The following PHIP variants were observed in gnomAD, a reference collection of about 807,000 sequenced individuals.
PHIP encodes the protein PHIP subunit of CUL4-Ring ligase complex.
In PHIP, 54 loss-of-function variants were observed where a neutral mutation model predicts 236.8. That is an observed-to-expected ratio of 0.23 (90% CI 0.18 to 0.29). The LOEUF (loss-of-function observed/expected upper bound fraction) is 0.29. Among genes scored for constraint, PHIP ranks in the 10% least tolerant of loss-of-function variants. The pLI, the probability that PHIP is intolerant of heterozygous loss-of-function variation, is 1.00. For synonymous variants in PHIP, 756 were observed against 718.9 expected, an observed-to-expected ratio of 1.05 and a Z score of -0.83; for missense variants, 1,370 against 2,190.8, an observed-to-expected ratio of 0.63 and a Z score of 7.48.
chr6:78,964,066 A>C (rs951105085), intron 29 of PHIP, among the ~76,000 whole-genome samples: 2 of 152,224 alleles, frequency 1.3e-5, no homozygotes, highest in African/African-American at 4.8e-5. Flanking sequence ...AACTGGCTGC[A>C]TTGCTATCAT....
At position 78,936,314 on chromosome 6, in the gene PHIP, G is replaced by A. The variant is rs1773270000; in HGVS notation, c.*4379C>T. ...AAAAATTGAGCTACATTCTACACAT[G>A]TCTAAATATCCTGTGACAGGATTTA... is the stretch of plus-strand genomic sequence containing the variant. On this transcript the variant is annotated 3_prime_UTR_variant, in exon 40 of 40. Coordinates refer to ENST00000275034, the MANE Select transcript of PHIP (RefSeq NM_017934.7). 6.6e-6 allele frequency: 1 copy of A among 151,698 alleles called. No homozygotes were observed. Among genetic ancestry groups the A allele is most frequent in the Admixed American group, 6.6e-5 (1 of 15,188 alleles). The allele number at this position is 151,698 out of a possible 1,614,324, so 9.4% of individuals were successfully genotyped here.
chr6:79,039,915 T>C (rs1772126446), intron 7 of PHIP, among the ~76,000 whole-genome samples: 2 of 152,160 alleles, frequency 1.3e-5, no homozygotes, highest in Admixed American at 1.3e-4. Context: ...TTAAAATAAT[T>C]GGGAAAGCAC....
intron 23 of PHIP, among the ~76,000 whole-genome samples, chr6:78,979,102 C>T (rs1172583164): frequency 6.6e-6 from 1 of 152,174 alleles, no homozygotes; most frequent in Non-Finnish European, 1.5e-5. Context: ...TTATAAGAGA[C>T]TTGAACATCC....
At chr6:78,956,017 G>GT (rs1406143329) in intron 32 of PHIP, 1 of 164,380 alleles carries the variant, frequency 6.1e-6, no homozygotes, top group Admixed American at 6.4e-5. Flanking sequence ...ATTTTTAAAT[G>GT]TATTTCCTAA....
chr6:78,949,108 T>C (rs887853094), intron 35 of PHIP, among the ~76,000 whole-genome samples: 10 of 152,180 alleles, frequency 6.6e-5, no homozygotes, highest in Non-Finnish European at 1.5e-4. Context: ...GTAAACATGA[T>C]ATTAGCTGTA....
At chr6:78,983,329 T>C (rs1483515611) in intron 22 of PHIP, among the ~76,000 whole-genome samples, 1 of 152,092 alleles carries the variant, frequency 6.6e-6, no homozygotes, top group Non-Finnish European at 1.5e-5. Flanking sequence ...CCCCAAAACC[T>C]GAAGATACAT....
chr6:79,065,725 A>G (rs1293818011), intron 4 of PHIP, among the ~76,000 whole-genome samples: 1 of 151,754 alleles, frequency 6.6e-6, no homozygotes, highest in African/African-American at 2.4e-5. Flanking sequence ...ATTAACTACA[A>G]AAGAGCAGGG....
At chr6:78,964,826 G>A (rs942657697) in intron 29 of PHIP, among the ~76,000 whole-genome samples, 1 of 152,086 alleles carries the variant, frequency 6.6e-6, no homozygotes, top group African/African-American at 2.4e-5. Flanking sequence ...AAACAATATA[G>A]AATAACGTAA....
chr6:79,017,117 TGA>T (rs1770869520), intron 12 of PHIP, among the ~76,000 whole-genome samples: 1 of 151,960 alleles, frequency 6.6e-6, no homozygotes, highest in Admixed American at 6.6e-5. Flanking sequence ...ATATATAGGG[TGA>T]TTTAAAAAGC....
At chr6:79,045,591 G>GT in intron 6 of PHIP, among the ~76,000 whole-genome samples, 1 of 152,134 alleles carries the variant, frequency 6.6e-6, no homozygotes, top group East Asian at 1.9e-4. Context: ...TTAATTTATA[G>GT]TTTTATGGCA....
intron 6 of PHIP, among the ~76,000 whole-genome samples, chr6:79,053,642 G>A (rs1337877561): frequency 6.6e-6 from 1 of 152,064 alleles, no homozygotes; most frequent in Non-Finnish European, 1.5e-5. Context: ...AGAAAACACT[G>A]AATACGTAAC....
chr6:79,050,258 T>A (rs1343631273), intron 6 of PHIP, among the ~76,000 whole-genome samples: 5 of 152,156 alleles, frequency 3.3e-5, no homozygotes, highest in Non-Finnish European at 1.5e-5. Context: ...TAACAGCTAG[T>A]ATTTACTGAG....
intron 22 of PHIP, among the ~76,000 whole-genome samples, chr6:78,984,095 G>T (rs1319063841): frequency 6.6e-6 from 1 of 151,968 alleles, no homozygotes; most frequent in East Asian, 1.9e-4. Flanking sequence ...CACTGAAAAA[G>T]CAGATTTTTC....
chr6:78,952,319 C>T (rs1303184528), intron 35 of PHIP, among the ~76,000 whole-genome samples: 2 of 149,940 alleles, frequency 1.3e-5, no homozygotes, highest in African/African-American at 4.9e-5. Context: ...CTCGTGAGGC[C>T]GAGGCAGGAG....
rs1329866394 is a variant in PHIP at position 79,015,737 on chromosome 6, T to C, written c.1282A>G (p.Thr428Ala). The change falls in exon 14 of 40, where the codon ACT (threonine) becomes GCT (alanine). Residue 428 changes from threonine to alanine, a missense_variant. Coordinates refer to ENST00000275034, the MANE Select transcript of PHIP (RefSeq NM_017934.7). ...IEDKITKMKV[T>A]MVAWDRHDNT... ...TCATGTCGATCCCAAGCTACCATAG[T>C]AACCTTCATTTTTGTGATTTTATCT... is the stretch of plus-strand genomic sequence containing the variant. 6.2e-7 allele frequency: 1 copy of C among 1,611,350 alleles called. No homozygotes were observed. Among genetic ancestry groups the C allele is most frequent in the Non-Finnish European group, 8.5e-7 (1 of 1,178,090 alleles).
chr6:79,028,193 A>C (rs1343481779), intron 7 of PHIP, among the ~76,000 whole-genome samples: 1 of 152,148 alleles, frequency 6.6e-6, no homozygotes, highest in African/African-American at 2.4e-5. Flanking sequence ...AAAAGTAAAA[A>C]AAATTTGTGA....
At chr6:79,027,848 T>A (rs981204262) in intron 7 of PHIP, among the ~76,000 whole-genome samples, 15 of 152,112 alleles carry the variant, frequency 9.9e-5, no homozygotes, top group Non-Finnish European at 1.9e-4. Context: ...CAGGGTCAAA[T>A]GCATGACTTT....
At position 79,041,747 on chromosome 6, in the gene PHIP, T is replaced by C. The variant is rs935457532; in HGVS notation, c.600+1096A>G. On this transcript the variant is annotated intron_variant, in intron 7 of 39. Transcript: ENST00000275034. ...CTATTTTCCACTCTGAAAATAATAC[T>C]TGATACAAGAGAACGTAAAAAGGGA... Among the ~76,000 whole-genome samples the C allele has an allele frequency of 1.9e-4, 29 of 152,168 alleles. 1 individual carries two copies. Among genetic ancestry groups the C allele is most frequent in the Admixed American group, 1.8e-3 (28 of 15,264 alleles).
Position 78,947,662 on chromosome 6 carries a change from G to A in PHIP, c.4167C>T (p.Phe1389=). 4 of 1,515,812 alleles carry A rather than the reference G, an allele frequency of 2.6e-6. No homozygotes were observed. Among genetic ancestry groups the A allele is most frequent in the Non-Finnish European group, 3.7e-6 (4 of 1,091,730 alleles). The allele number at this position is 1,515,812 out of a possible 1,614,324, so 93.9% of individuals were successfully genotyped here. A position where few individuals can be genotyped will look rare whatever the true frequency, so the allele number is the denominator to read the frequency against. The change falls in exon 36 of 40, where the codon TTC becomes TTT. Residue 1389 remains phenylalanine, a synonymous_variant. Transcript: ENST00000275034. ...MELCKDVRLI[F]SNSKAYTPSK... ...TTGGTGTATATGCTTTGGAATTACT[G>A]AAAATAAGTCTGACATCTTTACATA...
Sources: gnomAD v4.1 joint callset for allele counts (sites outside exome capture counted in the v4.1 genomes callset) on GRCh38, gnomAD v4.1.1 for gene constraint, MANE v1.5 for transcripts, NCBI Gene and HGNC (gene_info 2026-07-23, HGNC 2026-07-21) for gene names.